The following KCNN2 variants were observed in gnomAD, a reference collection of about 807,000 sequenced individuals.
The protein encoded by KCNN2 is potassium calcium-activated channel subfamily N member 2.
A neutral mutation model predicts 55.5 loss-of-function variants in KCNN2; 24 were observed. That is an observed-to-expected ratio of 0.43 (90% CI 0.31 to 0.61). KCNN2 has a LOEUF of 0.61. KCNN2 is among the 20% of genes least tolerant of loss of function. The pLI is 0.08. For synonymous variants in KCNN2, 431 were observed against 336.1 expected (o/e 1.28, Z -3.09); for missense variants, 754 against 853.6 (o/e 0.88, Z 1.45).
chr5:114,126,337 A>G (rs1751929637), intron 1 of KCNN2, among the ~76,000 whole-genome samples: 1 of 152,150 alleles, frequency 6.6e-6, no homozygotes, highest in South Asian at 2.1e-4. Flanking sequence ...ACAGTTCAGC[A>G]TGGCTGGGGA....
chr5:114,130,339 A>G (rs892375280), intron 1 of KCNN2, among the ~76,000 whole-genome samples: 1 of 152,210 alleles, frequency 6.6e-6, no homozygotes, highest in Non-Finnish European at 1.5e-5. Flanking sequence ...TTACTTAAGC[A>G]CTAGTAGAAC....
chr5:114,158,824 G>C (rs1467616788), intron 1 of KCNN2, among the ~76,000 whole-genome samples: 2 of 152,126 alleles, frequency 1.3e-5, no homozygotes, highest in African/African-American at 2.4e-5. Flanking sequence ...TGGTGTATAA[G>C]AATGCTTGTG....
intron 2 of KCNN2, among the ~76,000 whole-genome samples, chr5:114,279,080 A>G (rs897431075): frequency 3.9e-5 from 6 of 152,020 alleles, no homozygotes; most frequent in African/African-American, 1.4e-4. Flanking sequence ...ATAATTATAA[A>G]TTATTAATTT....
chr5:114,396,514 T>C lies in KCNN2; in HGVS notation c.1219-7924T>C, dbSNP rs1580787728. Reference sequence around the variant, plus strand: ...CGGGGGGTTTGGATTATATCATGTATGTAATAAGCATATAAGCATAGTACC... The same window carrying C: ...CGGGGGGTTTGGATTATATCATGTACGTAATAAGCATATAAGCATAGTACC... On this transcript the variant is annotated intron_variant, in intron 2 of 7. Coordinates refer to ENST00000673685, the MANE Select transcript of KCNN2 (RefSeq NM_021614.4). 2.6e-5 allele frequency among the ~76,000 whole-genome samples: 4 copies of C among 152,108 alleles called. 1 individual carries two copies. Among genetic ancestry groups the C allele is most frequent in the Admixed American group, 2.6e-4 (4 of 15,270 alleles).
intron 1 of KCNN2, among the ~76,000 whole-genome samples, chr5:114,211,950 C>A (rs1265866736): frequency 2.0e-5 from 3 of 150,448 alleles, no homozygotes; most frequent in Non-Finnish European, 4.4e-5. Context: ...TAAAATATTT[C>A]CTTTATATTA....
chr5:114,081,843 G>C (rs937432844), intron 1 of KCNN2, among the ~76,000 whole-genome samples: 4 of 152,092 alleles, frequency 2.6e-5, no homozygotes. Context: ...CATAAAGTGG[G>C]AACAATTATT....
At chr5:114,357,919 G>A (rs1189691624), upstream of KCNN2, among the ~76,000 whole-genome samples, 1 of 151,006 alleles carries the variant, frequency 6.6e-6, no homozygotes, top group East Asian at 2.0e-4. Context: ...CCCACCAACA[G>A]TGTAAAAGTG....
At chr5:114,263,982 A>G (rs912090056) in intron 2 of KCNN2, among the ~76,000 whole-genome samples, 1 of 152,238 alleles carries the variant, frequency 6.6e-6, no homozygotes, top group Non-Finnish European at 1.5e-5. Flanking sequence ...TCTCAAGGGC[A>G]TAGTGAGAAC....
chr5:114,064,083 A>G (rs554622764), intron 1 of KCNN2, among the ~76,000 whole-genome samples: 4 of 152,302 alleles, frequency 2.6e-5, no homozygotes, highest in African/African-American at 9.6e-5. Context: ...CTACTCCCAG[A>G]GATTGTGAAT....
intron 1 of KCNN2, among the ~76,000 whole-genome samples, chr5:114,177,348 A>G (rs1580591908): frequency 6.6e-6 from 1 of 152,130 alleles, no homozygotes; most frequent in African/African-American, 2.4e-5. Flanking sequence ...CGTGTTAGCC[A>G]GGATGGTCTC....
chr5:114,300,655 G>A (rs1756135794), intron 2 of KCNN2, among the ~76,000 whole-genome samples: 1 of 152,192 alleles, frequency 6.6e-6, no homozygotes, highest in Non-Finnish European at 1.5e-5. Context: ...TGCTTTTGTT[G>A]TAATGGATTA....
chr5:114,108,410 G>A (rs1252309643), intron 1 of KCNN2, among the ~76,000 whole-genome samples: 1 of 151,950 alleles, frequency 6.6e-6, no homozygotes. Flanking sequence ...TTTATGCATA[G>A]TGAATTATAC....
chr5:114,174,750 G>A (rs1410955484), intron 1 of KCNN2, among the ~76,000 whole-genome samples: 1 of 152,122 alleles, frequency 6.6e-6, no homozygotes, highest in African/African-American at 2.4e-5. Context: ...ATTCCAAAAG[G>A]CCTGCTTCCT....
Position 114,339,822 on chromosome 5 carries a change from T to C in KCNN2, c.-184-21123T>C, listed in dbSNP as rs528558891. Among the ~76,000 whole-genome samples, 674 of 150,398 alleles carry C rather than the reference T, an allele frequency of 4.5e-3. 3 individuals carry two copies. The highest frequency in any genetic ancestry group is 0.01 in the Middle Eastern group (3 of 294). On this transcript the variant is annotated intron_variant, in intron 2 of 10. Coordinates refer to the KCNN2 transcript ENST00000512097. ...TATCACAAACAAACAAACAAATAAA[T>C]AAATAAATAAATAAATAAATAAATA...
intron 2 of KCNN2, among the ~76,000 whole-genome samples, chr5:114,257,333 T>A (rs1755004291): frequency 6.6e-6 from 1 of 152,146 alleles, no homozygotes; most frequent in South Asian, 2.1e-4. Context: ...TTGCTTTGGC[T>A]ATTTGGGCTC....
chr5:114,071,004 G>A (rs1032122141), intron 1 of KCNN2, among the ~76,000 whole-genome samples: 1 of 152,102 alleles, frequency 6.6e-6, no homozygotes, highest in African/African-American at 2.4e-5. Context: ...TTAGCTTCAT[G>A]CAAAGCATGA....
At chr5:114,319,883 C>T (rs781087915) in intron 2 of KCNN2, among the ~76,000 whole-genome samples, 3 of 152,168 alleles carry the variant, frequency 2.0e-5, no homozygotes, top group Non-Finnish European at 4.4e-5. Context: ...AATCTGCTTA[C>T]AGAAACTCTC....
At chr5:114,307,053 G>C (rs1294776032) in intron 2 of KCNN2, among the ~76,000 whole-genome samples, 2 of 152,128 alleles carry the variant, frequency 1.3e-5, no homozygotes, top group African/African-American at 4.8e-5. Flanking sequence ...TAGTATCAGT[G>C]TTAGACCCTG....
At chr5:114,239,398 T>C (rs1227038736) in intron 2 of KCNN2, among the ~76,000 whole-genome samples, 1 of 152,162 alleles carries the variant, frequency 6.6e-6, no homozygotes, top group African/African-American at 2.4e-5. Context: ...TACAGAAATA[T>C]ATTTAGGAGC....
Sources: allele counts gnomAD v4.1 joint callset (sites outside exome capture counted in the v4.1 genomes callset), GRCh38; gene constraint gnomAD v4.1.1; transcripts MANE v1.5; gene names NCBI Gene and HGNC (gene_info 2026-07-23, HGNC 2026-07-21).